Variants in G3BP2 observed in about 807,000 individuals in gnomAD.
G3BP2 encodes G3BP stress granule assembly factor 2.
G3BP2 carries 11 observed loss-of-function variants against 56.7 expected under a neutral mutation model. That is an observed-to-expected ratio of 0.19 (90% CI 0.12 to 0.32). The LOEUF (loss-of-function observed/expected upper bound fraction) is 0.32, where lower values mean the gene tolerates loss of function less well. G3BP2 is among the 10% of genes least tolerant of loss of function. The pLI, the probability that G3BP2 is intolerant of heterozygous loss-of-function variation, is 1.00. For synonymous variants in G3BP2, 165 were observed against 191.6 expected (o/e 0.86, Z 1.15); for missense variants, 340 against 610.9 (o/e 0.56, Z 4.67).
chr4:75,705,207 T>C (rs1361029421), intron 3 of G3BP2, among the ~76,000 whole-genome samples: 1 of 152,126 alleles, frequency 6.6e-6, no homozygotes, highest in Non-Finnish European at 1.5e-5. Context: ...CTCAGGTCCA[T>C]TAAACTGCCT....
At position 75,657,749 on chromosome 4, in the gene G3BP2, GA is replaced by G; in HGVS notation, c.178-20del. 2 of 1,527,272 alleles carry G rather than the reference GA, an allele frequency of 1.3e-6. No homozygotes were observed. Among genetic ancestry groups the G allele is most frequent in the Non-Finnish European group, 1.8e-6 (2 of 1,107,332 alleles). 94.6% of individuals were successfully genotyped at this position (1,527,272 alleles called of 1,614,324 possible). ...GTATATCCTTTATTAGGGAGGGAGG[GA>G]AAAATATAAACTCTGTGATACTGCA... On this transcript the variant is annotated intron_variant, in intron 3 of 11. Transcript: ENST00000359707.
chr4:75,697,940 A>ACAAG (rs1719189636), intron 3 of G3BP2, among the ~76,000 whole-genome samples: 1 of 151,430 alleles, frequency 6.6e-6, no homozygotes, highest in Non-Finnish European at 1.5e-5. Flanking sequence ...TCTCAAACAA[A>ACAAG]CAAACAAAAA....
chr4:75,715,130 A>G (rs1030401961), intron 3 of G3BP2, among the ~76,000 whole-genome samples: 5 of 152,178 alleles, frequency 3.3e-5, no homozygotes, highest in Admixed American at 2.6e-4. Context: ...CTCTCTGTGA[A>G]ACAGGAATAA....
At chr4:75,694,367 C>T (rs1297299143) in intron 3 of G3BP2, among the ~76,000 whole-genome samples, 3 of 152,132 alleles carry the variant, frequency 2.0e-5, no homozygotes, top group Admixed American at 2.0e-4. Context: ...TTTGGGAGGC[C>T]GAGGCGGGTG....
intron 1 of G3BP2, among the ~76,000 whole-genome samples, chr4:75,664,161 CGT>C (rs910544193): frequency 3.7e-4 from 56 of 151,802 alleles, no homozygotes; most frequent in African/African-American, 1.3e-3. Flanking sequence ...GGATTACAGG[CGT>C]GAGCCACCGT....
chr4:75,683,971 T>A (rs1718456512), intron 3 of G3BP2, among the ~76,000 whole-genome samples: 1 of 151,630 alleles, frequency 6.6e-6, no homozygotes, highest in African/African-American at 2.4e-5. Context: ...AGCAGAGGAT[T>A]TTTTTTTTCT....
chr4:75,690,430 C>T (rs1718804439), intron 3 of G3BP2, among the ~76,000 whole-genome samples: 1 of 137,300 alleles, frequency 7.3e-6, no homozygotes, highest in African/African-American at 2.7e-5. Context: ...AAAACTCCAT[C>T]TCCAAAAAAA....
intron 1 of G3BP2, among the ~76,000 whole-genome samples, chr4:75,669,141 T>C (rs1026725075): frequency 3.3e-5 from 5 of 152,224 alleles, no homozygotes; most frequent in African/African-American, 9.6e-5. Flanking sequence ...AGGTTCTGTC[T>C]TCTAACCTGG....
chr4:75,705,527 G>A (rs1412349169), intron 3 of G3BP2, among the ~76,000 whole-genome samples: 1 of 152,194 alleles, frequency 6.6e-6, no homozygotes, highest in Non-Finnish European at 1.5e-5. Flanking sequence ...ACAGGTCAGG[G>A]AGTGGGTTGG....
At position 75,655,289 on chromosome 4, in the gene G3BP2, TA is replaced by T. The variant is rs764773085; in HGVS notation, c.546-44del. 15 of 1,414,488 alleles carry T rather than the reference TA, an allele frequency of 1.1e-5. No individual in the cohort carries two copies. The African/African-American group carries it at 1.9e-4, about 18-fold the overall frequency. The allele number at this position is 1,414,488 out of a possible 1,614,324, so 87.6% of individuals were successfully genotyped here. On this transcript the variant is annotated intron_variant, in intron 6 of 11. Coordinates refer to ENST00000359707, the MANE Select transcript of G3BP2 (RefSeq NM_203505.3). The stretch of plus-strand genomic sequence containing the variant: ...GTTCACTTTTTAGTAGGAGTTCAAG[TA>T]AGAAAAAATTCAATTTCTCTCTAAT...
intron 3 of G3BP2, among the ~76,000 whole-genome samples, chr4:75,695,840 G>C (rs1413251636): frequency 3.3e-5 from 5 of 152,044 alleles, no homozygotes; most frequent in Admixed American, 6.6e-5. Context: ...CAGGCGTGGT[G>C]GTGGGCCCCT....
intron 1 of G3BP2, among the ~76,000 whole-genome samples, chr4:75,663,208 G>A (rs1165362609): frequency 6.6e-6 from 1 of 152,188 alleles, no homozygotes; most frequent in African/African-American, 2.4e-5. Context: ...ATGATAATGT[G>A]CCTCAAAGTT....
chr4:75,642,862 C>G lies in G3BP2; in HGVS notation c.*2568G>C, dbSNP rs1275110169. 6.6e-6 allele frequency: 1 copy of G among 152,510 alleles called. No individual in the cohort carries two copies. The highest frequency in any genetic ancestry group is 2.4e-5 in the African/African-American group (1 of 41,420). The allele number at this position is 152,510 out of a possible 1,614,324, so 9.4% of individuals were successfully genotyped here. On this transcript the variant is annotated 3_prime_UTR_variant, in exon 12 of 12. Transcript: ENST00000359707. ...TGGAAACTCAAAGAATACTTTCCACCTGAAACAATTAAACTAGATTCTACT... is the reference window on the plus strand; with the variant it reads ...TGGAAACTCAAAGAATACTTTCCACGTGAAACAATTAAACTAGATTCTACT...
chr4:75,667,104 T>G (rs1206102108), intron 1 of G3BP2, among the ~76,000 whole-genome samples: 3 of 151,976 alleles, frequency 2.0e-5, no homozygotes, highest in Admixed American at 2.0e-4. Flanking sequence ...CCAGGCAACA[T>G]GGCAAAACCC....
chr4:75,654,855 CTTAAGTT>C (rs1358710688), intron 7 of G3BP2: 1 of 539,722 alleles, frequency 1.9e-6, no homozygotes, highest in African/African-American at 1.9e-5. Flanking sequence ...AAGGATTCAT[CTTAAGTT>C]ATAAGTTTCA....
intron 8 of G3BP2, among the ~76,000 whole-genome samples, chr4:75,650,005 CCTT>C (rs1209515711): frequency 6.6e-6 from 1 of 152,018 alleles, no homozygotes; most frequent in African/African-American, 2.4e-5. Context: ...GAGTGAAACT[CCTT>C]CTCACAGAAA....
In G3BP2 at chr4:75,645,268, A is replaced by G; in HGVS notation, c.*162T>C. On this transcript the variant is annotated 3_prime_UTR_variant, in exon 12 of 12. Coordinates refer to ENST00000359707, the MANE Select transcript of G3BP2 (RefSeq NM_203505.3). Reference sequence around the variant, plus strand: ...TGTGAATCCTGTTGTGAAATTGGGGAAATAATGTCCACCTCAATTTAACTG... The same window carrying G: ...TGTGAATCCTGTTGTGAAATTGGGGGAATAATGTCCACCTCAATTTAACTG... 1.6e-6 allele frequency: 1 copy of G among 627,402 alleles called. No homozygotes were observed. Among genetic ancestry groups the G allele is most frequent in the Non-Finnish European group, 2.7e-6 (1 of 365,268 alleles). 38.9% of individuals were successfully genotyped at this position (627,402 alleles called of 1,614,324 possible). A position where few individuals can be genotyped will look rare whatever the true frequency, so the allele number is the denominator to read the frequency against.
intron 1 of G3BP2, among the ~76,000 whole-genome samples, chr4:75,722,523 GAGT>G (rs1352349630): frequency 2.2e-4 from 34 of 152,306 alleles, no homozygotes; most frequent in African/African-American, 7.2e-4. Flanking sequence ...GGGGTAGAGT[GAGT>G]TTCAGGGACA....
intron 5 of G3BP2, 53 bp downstream of exon 5, chr4:75,656,871 A>T: frequency 1.2e-6 from 1 of 820,138 alleles, no homozygotes; most frequent in Non-Finnish European, 2.1e-6. Flanking sequence ...AAATTAGTCC[A>T]TAAAGAGTAC....
Sources: gnomAD v4.1 joint callset for allele counts (sites outside exome capture counted in the v4.1 genomes callset) on GRCh38, gnomAD v4.1.1 for gene constraint, MANE v1.5 for transcripts, NCBI Gene and HGNC (gene_info 2026-07-23, HGNC 2026-07-21) for gene names.